Variants in SLC22A16 observed in about 807,000 individuals in gnomAD.
SLC22A16 encodes WUGSC:RG331P03.1.
SLC22A16 carries 53 observed loss-of-function variants against 52.9 expected under a neutral mutation model. The observed-to-expected ratio is 1.00, with a 90% CI of 0.80 to 1.26. The LOEUF (loss-of-function observed/expected upper bound fraction) is 1.26. Ranked by LOEUF, SLC22A16 falls within the 50% of genes most tolerant of loss-of-function variation. The pLI, the probability that SLC22A16 is intolerant of heterozygous loss-of-function variation, is 0.00. For synonymous variants in SLC22A16, 291 were observed against 268.8 expected, an observed-to-expected ratio of 1.08 and a Z score of -0.81; for missense variants, 726 against 704.0, an observed-to-expected ratio of 1.03 and a Z score of -0.35.
chr6:110,452,162 T>C (rs1045392163), intron 2 of SLC22A16, among the ~76,000 whole-genome samples: 1 of 152,218 alleles, frequency 6.6e-6, no homozygotes, highest in Admixed American at 6.5e-5. Context: ...TTCTTCAAGT[T>C]TATAATTGTC....
chr6:110,463,432 A>T (rs925969286), intron 1 of SLC22A16, among the ~76,000 whole-genome samples: 3 of 145,442 alleles, frequency 2.1e-5, no homozygotes, highest in Non-Finnish European at 1.5e-5. Flanking sequence ...GGGTAAAAAG[A>T]TATGTCATGC....
chr6:110,442,843 T>A lies in SLC22A16; in HGVS notation c.652-68A>T, dbSNP rs76453570. 2.0e-3 allele frequency: 2,931 copies of A among 1,434,742 alleles called. 50 individuals carry two copies. The African/African-American group carries it at 0.037, about 18-fold the overall frequency. The allele number at this position is 1,434,742 out of a possible 1,614,324, so 88.9% of individuals were successfully genotyped here. On this transcript the variant is annotated intron_variant, in intron 3 of 7. Coordinates refer to ENST00000368919, the MANE Select transcript of SLC22A16 (RefSeq NM_033125.4). ...ATAACTATTGAGGAGTCTGACCCCA[T>A]TGCAAATCACATATAGGCAAAAAAG...
At chr6:110,474,015 T>C (rs1482293000) in intron 1 of SLC22A16, among the ~76,000 whole-genome samples, 4 of 152,090 alleles carry the variant, frequency 2.6e-5, no homozygotes, top group African/African-American at 9.7e-5. Context: ...GAGCATTACT[T>C]CCTAAGCTCC....
rs1775760385 is a variant in SLC22A16, at chr6:110,458,739, A to G, written c.54-1722T>C. ...CATCCAATCACTTGAGGGCTTGAAT[A>G]AAACAAAAAGGTGAAGGAAGAGCAA... is the stretch of plus-strand genomic sequence containing the variant. On this transcript the variant is annotated intron_variant, in intron 1 of 7. Transcript: ENST00000368919. Among the ~76,000 whole-genome samples, 4 of 152,214 alleles carry G rather than the reference A, an allele frequency of 2.6e-5. 1 individual carries two copies. The South Asian group carries it at 8.3e-4, about 31-fold the overall frequency.
rs759860963 is a variant in SLC22A16, at chr6:110,468,833, C to T, written c.53+7689G>A. Among the ~76,000 whole-genome samples, 5 of 152,244 alleles carry T rather than the reference C, an allele frequency of 3.3e-5. No individual in the cohort carries two copies. In the South Asian group the frequency reaches 6.2e-4, roughly 19 times the overall value. ...GGCTTGAAGATGAGTGGTGCTGACC[C>T]TCACACCTGCAGGTCAGAATCCCTC... On this transcript the variant is annotated intron_variant, in intron 1 of 7. Coordinates refer to ENST00000368919, the MANE Select transcript of SLC22A16 (RefSeq NM_033125.4).
chr6:110,442,217 A>G, intron 4 of SLC22A16, 27 bp downstream of exon 4: 1 of 1,593,152 alleles, frequency 6.3e-7, no homozygotes, highest in Non-Finnish European at 8.6e-7. Context: ...CTTCACTGCC[A>G]AATTTAAATA....
At chr6:110,436,010 G>A in intron 5 of SLC22A16, 49 bp from the exon 6 acceptor site, 1 of 1,197,384 alleles carries the variant, frequency 8.4e-7, no homozygotes, top group Non-Finnish European at 1.2e-6. Context: ...ATTTTTAAAG[G>A]AAAATAGAAA....
intron 7 of SLC22A16, 158 bp from the exon 8 acceptor site, chr6:110,425,243 T>G (rs1774210159): frequency 6.6e-7 from 1 of 1,518,480 alleles, no homozygotes; most frequent in East Asian, 2.5e-5. Context: ...TTACTTGTGC[T>G]GGACTTCGAG....
At chr6:110,448,297 T>C (rs1174170874) in intron 2 of SLC22A16, among the ~76,000 whole-genome samples, 1 of 152,248 alleles carries the variant, frequency 6.6e-6, no homozygotes, top group African/African-American at 2.4e-5. Context: ...GCATATATTC[T>C]TTAGAGAAAT....
chr6:110,450,275 G>A (rs1775326091), intron 2 of SLC22A16, among the ~76,000 whole-genome samples: 1 of 152,094 alleles, frequency 6.6e-6, no homozygotes, highest in Non-Finnish European at 1.5e-5. Flanking sequence ...ATAGTACCTA[G>A]TGTATAATAA....
At chr6:110,472,750 C>A (rs1022157410) in intron 1 of SLC22A16, among the ~76,000 whole-genome samples, 4 of 152,116 alleles carry the variant, frequency 2.6e-5, no homozygotes, top group African/African-American at 9.7e-5. Context: ...ACCTAGGGGT[C>A]CACCAGGACA....
At chr6:110,450,620 A>C (rs1775341246) in intron 2 of SLC22A16, among the ~76,000 whole-genome samples, 2 of 151,466 alleles carry the variant, frequency 1.3e-5, no homozygotes, top group African/African-American at 2.4e-5. Context: ...TCAAAAAAAA[A>C]AAAAAAAAAA....
chr6:110,456,771 C>T lies in SLC22A16; in HGVS notation c.300G>A (p.Arg100=). The T allele has an allele frequency of 6.2e-7, 1 of 1,614,178 alleles. No homozygotes were observed. Among genetic ancestry groups the T allele is most frequent in the Non-Finnish European group, 8.5e-7 (1 of 1,180,038 alleles). The part of the protein sequence containing the change: ...LQNGEIWELS[R]CSRNKRENTS... ...TGTTCTCCCTCTTATTCCTGCTACACCTTGAGAGCTCCCAGATCTCACCAT... is the reference window on the plus strand; with the variant it reads ...TGTTCTCCCTCTTATTCCTGCTACATCTTGAGAGCTCCCAGATCTCACCAT... Residue 100 remains arginine (R), a synonymous_variant, in exon 2 of 8, where the codon AGG becomes AGA. Transcript: ENST00000368919.
At chr6:110,461,452 A>G (rs1775881006) in intron 1 of SLC22A16, among the ~76,000 whole-genome samples, 1 of 152,156 alleles carries the variant, frequency 6.6e-6, no homozygotes, top group Non-Finnish European at 1.5e-5. Flanking sequence ...ACCCCCATCA[A>G]GGAAGGGGCT....
At chr6:110,442,836 G>C (rs1331316214) in intron 3 of SLC22A16, 61 bp from the exon 4 acceptor site, 1 of 1,481,190 alleles carries the variant, frequency 6.8e-7, no homozygotes. Context: ...TGAGGAGTCT[G>C]ACCCCATTGC....
intron 1 of SLC22A16, among the ~76,000 whole-genome samples, chr6:110,462,601 G>T (rs1775924787): frequency 6.6e-6 from 1 of 152,052 alleles, no homozygotes; most frequent in Non-Finnish European, 1.5e-5. Flanking sequence ...ATTTTTTAAT[G>T]AATAAAGTCT....
At chr6:110,458,879 G>T (rs1384551841) in intron 1 of SLC22A16, among the ~76,000 whole-genome samples, 3 of 152,098 alleles carry the variant, frequency 2.0e-5, no homozygotes, top group Non-Finnish European at 4.4e-5. Context: ...TTCAGTCTGG[G>T]ACTGAATTAC....
chr6:110,473,139 G>A (rs886412533), intron 1 of SLC22A16, among the ~76,000 whole-genome samples: 6 of 152,092 alleles, frequency 3.9e-5, no homozygotes, highest in East Asian at 1.9e-4. Context: ...ATGACACACC[G>A]TAGCTGTATA....
chr6:110,462,774 T>C (rs944506725), intron 1 of SLC22A16, among the ~76,000 whole-genome samples: 1 of 152,110 alleles, frequency 6.6e-6, no homozygotes, highest in Non-Finnish European at 1.5e-5. Context: ...ATTCAGAGAA[T>C]ATCTGGGAGA....
Sources: gnomAD v4.1 joint callset for allele counts (sites outside exome capture counted in the v4.1 genomes callset) on GRCh38, gnomAD v4.1.1 for gene constraint, MANE v1.5 for transcripts, NCBI Gene and HGNC (gene_info 2026-07-23, HGNC 2026-07-21) for gene names.